Variants in DIO1 observed in about 807,000 individuals in gnomAD.
DIO1 encodes the protein iodothyronine deiodinase 1, also known as type I iodothyronine deiodinase.
Under a neutral mutation model 25.9 loss-of-function variants are expected in DIO1, and 17 were observed. The observed-to-expected ratio is 0.66, with a 90% CI of 0.45 to 0.98. The LOEUF (loss-of-function observed/expected upper bound fraction) is 0.98, where lower values mean the gene tolerates loss of function less well. Among genes scored for constraint, DIO1 ranks in the 50% least tolerant of loss-of-function variants. The pLI is 0.00. For missense variants in DIO1, 270 were observed against 310.4 expected (o/e 0.87, Z 0.98); for synonymous variants, 115 against 114.0 (o/e 1.01, Z -0.05).
At chr1:53,896,354 A>G (rs953729493) in intron 1 of DIO1, among the ~76,000 whole-genome samples, 1 of 151,506 alleles carries the variant, frequency 6.6e-6, no homozygotes, top group African/African-American at 2.4e-5. Flanking sequence ...AGTACCTGGG[A>G]CAACAAGTGC....
rs537814151 is a variant in DIO1, at chr1:53,902,364, C to T, written c.338-2302C>T. Among the ~76,000 whole-genome samples the T allele has an allele frequency of 5.3e-5, 8 of 152,002 alleles. No individual in the cohort carries two copies. In the South Asian group the frequency reaches 1.7e-3, roughly 31 times the overall value. ...TTTTTTTGCCTGTCTCCCCACTAAG[C>T]AGACTTCAAACTGCACACAGCCAGA... On this transcript the variant is annotated intron_variant, in intron 1 of 3. Coordinates refer to ENST00000361921, the MANE Select transcript of DIO1 (RefSeq NM_000792.7).
intron 1 of DIO1, 33 bp from the exon 2 acceptor site, chr1:53,904,633 G>A (rs2294512): frequency 0.31 from 498,093 of 1,601,710 alleles, 82,266 homozygotes; most frequent in East Asian, 0.63. Flanking sequence ...CTGTGTGTAG[G>A]GTCTCAGTTT....
intron 1 of DIO1, among the ~76,000 whole-genome samples, chr1:53,898,604 G>A (rs539123942): frequency 1.3e-5 from 2 of 152,176 alleles, no homozygotes; most frequent in South Asian, 4.1e-4. Context: ...AATTAGCCGG[G>A]CATCGTGGCA....
At chr1:53,898,098 T>A (rs1366653120) in intron 1 of DIO1, among the ~76,000 whole-genome samples, 1 of 151,944 alleles carries the variant, frequency 6.6e-6, no homozygotes, top group Non-Finnish European at 1.5e-5. Context: ...GGAACCCTGT[T>A]AAGAGTAGGG....
intron 1 of DIO1, among the ~76,000 whole-genome samples, chr1:53,896,210 CTTTTTTTTTTTT>C (rs199555423): frequency 0.045 from 4,666 of 103,728 alleles, 162 homozygotes; most frequent in East Asian, 0.15. Flanking sequence ...TTCTTTTTCT[CTTTTTTTTTTTT>C]TTTTTTTTTT....
intron 1 of DIO1, among the ~76,000 whole-genome samples, chr1:53,902,226 A>T (rs1037093117): frequency 6.6e-6 from 1 of 151,698 alleles, no homozygotes; most frequent in African/African-American, 2.4e-5. Context: ...GTTAAATGGC[A>T]GCTCCTCAAA....
chr1:53,910,473 A>T lies in DIO1; in HGVS notation c.*474A>T, dbSNP rs1412475136. On this transcript the variant is annotated 3_prime_UTR_variant, in exon 4 of 4. Transcript: ENST00000361921. ...TATGGAATTGATCATTTAAGACACTAAATTAGTTTTTAGAACCAATTATGG... is the reference window on the plus strand; with the variant it reads ...TATGGAATTGATCATTTAAGACACTTAATTAGTTTTTAGAACCAATTATGG... 2 of 159,196 alleles carry T rather than the reference A, an allele frequency of 1.3e-5. No individual in the cohort carries two copies. Among genetic ancestry groups the T allele is most frequent in the Non-Finnish European group, 2.8e-5 (2 of 71,524 alleles). 9.9% of individuals were successfully genotyped at this position (159,196 alleles called of 1,614,324 possible).
In DIO1 at chr1:53,895,865, T is replaced by TCTCCATCGTCGTCTATATCCCCC. The variant is rs1651046735; in HGVS notation, c.337+1319_337+1341dup. On this transcript the variant is annotated intron_variant, in intron 1 of 3. Coordinates refer to ENST00000361921, the MANE Select transcript of DIO1 (RefSeq NM_000792.7). ...CGGCTGGTCAAGAATGCCCTTCCCC[T>TCTCCATCGTCGTCTATATCCCCC]CTCCATCGTCGTCTATATCCCCCTC... 5.9e-5 allele frequency among the ~76,000 whole-genome samples: 9 copies of TCTCCATCGTCGTCTATATCCCCC among 152,130 alleles called. 1 individual carries two copies. In the South Asian group the frequency reaches 1.9e-3, roughly 31 times the overall value.
At chr1:53,897,201 C>T (rs1182279946) in intron 1 of DIO1, among the ~76,000 whole-genome samples, 2 of 152,226 alleles carry the variant, frequency 1.3e-5, no homozygotes, top group Non-Finnish European at 2.9e-5. Context: ...TTGGTCTGAG[C>T]CCCGTGGCTC....
chr1:53,905,989 T>A, intron 2 of DIO1, 106 bp from the exon 3 acceptor site: 1 of 1,043,650 alleles, frequency 9.6e-7, no homozygotes. Context: ...GCCAAATCAT[T>A]GCCAAGGGCT....
At position 53,894,245 on chromosome 1, in the gene DIO1, G is replaced by T; in HGVS notation, c.35G>T (p.Arg12Met). ...CCCCAGCCAGGGCTGTGGCTGAAGA[G>T]GCTCTGGGTGCTCTTGGAGGTGGCT... ...GLPQPGLWLK[R>M]LWVLLEVAVH... The change falls in exon 1 of 4, where the codon AGG becomes ATG. Residue 12 changes from arginine (R) to methionine (M), a missense_variant. Coordinates refer to ENST00000361921, the MANE Select transcript of DIO1 (RefSeq NM_000792.7). This position sits in a 1 kb window ranked among gnomAD's most constrained non-coding sequence, Gnocchi z 4.9. 6.2e-7 allele frequency: 1 copy of T among 1,614,202 alleles called. No homozygotes were observed. The highest frequency in any genetic ancestry group is 2.2e-5 in the East Asian group (1 of 44,878).
chr1:53,906,382 T>A, intron 3 of DIO1, 88 bp downstream of exon 3: 3 of 1,196,600 alleles, frequency 2.5e-6, no homozygotes, highest in Non-Finnish European at 3.5e-6. Context: ...CAAGCAGAAC[T>A]GGATTCAAAT....
At chr1:53,897,644 G>A (rs1004055841) in intron 1 of DIO1, among the ~76,000 whole-genome samples, 4 of 152,092 alleles carry the variant, frequency 2.6e-5, no homozygotes, top group Non-Finnish European at 5.9e-5. Flanking sequence ...TTGAACCCAG[G>A]AGTTCAAGAA....
At chr1:53,905,068 G>A (rs895816562) in intron 2 of DIO1, among the ~76,000 whole-genome samples, 5 of 152,098 alleles carry the variant, frequency 3.3e-5, no homozygotes, top group Admixed American at 6.5e-5. Flanking sequence ...CATTTTGATC[G>A]GATAAATAGG....
chr1:53,904,911 G>A, intron 2 of DIO1, 102 bp downstream of exon 2: 3 of 1,328,790 alleles, frequency 2.3e-6, no homozygotes, highest in South Asian at 2.8e-5. Context: ...AGGAGGAAGA[G>A]GAGGGGAGAG....
intron 1 of DIO1, 75 bp from the exon 2 acceptor site, chr1:53,904,591 A>G: frequency 6.5e-7 from 1 of 1,549,678 alleles, no homozygotes; most frequent in Non-Finnish European, 8.8e-7. Flanking sequence ...AGAATTGAAC[A>G]TAGGAGTGAA....
chr1:53,909,440 G>A (rs1187861593), intron 3 of DIO1, among the ~76,000 whole-genome samples: 1 of 152,058 alleles, frequency 6.6e-6, no homozygotes, highest in Non-Finnish European at 1.5e-5. Context: ...AAAGTTCACT[G>A]GTTCCTGGTT....
Position 53,898,744 on chromosome 1 carries a change from C to CAAAAAAAAAAAAAA in DIO1, c.337+4203_337+4216dup, listed in dbSNP as rs60469690. Among the ~76,000 whole-genome samples the CAAAAAAAAAAAAAA allele has an allele frequency of 1.9e-5, 2 of 106,626 alleles. 1 individual carries two copies. Among genetic ancestry groups the CAAAAAAAAAAAAAA allele is most frequent in the African/African-American group, 7.3e-5 (2 of 27,248 alleles). The allele number at this position is 106,626 out of a possible 152,430, so 70.0% of individuals were successfully genotyped here. ...TGGGCAACAAAGCGAGACTCTGTCTCAAAAAAAAAAAAAAAAAAAGAGACA... is the reference window on the plus strand; with the variant it reads ...TGGGCAACAAAGCGAGACTCTGTCTCAAAAAAAAAAAAAAAAAAAAAAAAAAAAAAAAAGAGACA... On this transcript the variant is annotated intron_variant, in intron 1 of 3. Coordinates refer to ENST00000361921, the MANE Select transcript of DIO1 (RefSeq NM_000792.7).
rs1165815234 is a variant in DIO1, at chr1:53,910,188, GTTA to G, written c.*194_*196del. On this transcript the variant is annotated 3_prime_UTR_variant, in exon 4 of 4. Coordinates refer to ENST00000361921, the MANE Select transcript of DIO1 (RefSeq NM_000792.7). The stretch of plus-strand genomic sequence containing the variant: ...CCACAGCACCCAATCAAGACAAATT[GTTA>G]TTATCAGAAAATGAAGCAACACTTG... The G allele has an allele frequency of 1.7e-6, 1 of 593,264 alleles. No individual in the cohort carries two copies. The highest frequency in any genetic ancestry group is 3.0e-6 in the Non-Finnish European group (1 of 332,234). The allele number at this position is 593,264 out of a possible 1,614,324, so 36.7% of individuals were successfully genotyped here.
Sources: gnomAD v4.1 joint callset for allele counts (sites outside exome capture counted in the v4.1 genomes callset) on GRCh38, gnomAD v4.1.1 for gene constraint, Gnocchi (gnomAD v3.1) non-coding constraint, MANE v1.5 for transcripts, NCBI Gene and HGNC (gene_info 2026-07-23, HGNC 2026-07-21) for gene names.